DSCAM: variants seen among roughly 807,000 people sequenced by gnomAD.
DSCAM encodes the protein cell adhesion molecule DSCAM.
In DSCAM, 47 loss-of-function variants were observed where a neutral mutation model predicts 217.7. That is an observed-to-expected ratio of 0.22 (90% CI 0.17 to 0.28). The LOEUF (loss-of-function observed/expected upper bound fraction) is 0.28. Ranked by LOEUF, DSCAM falls within the 10% of genes least tolerant of loss-of-function variation. The pLI is 1.00. For missense variants in DSCAM, 2,080 were observed against 2,618.3 expected (o/e 0.79, Z 4.49); for synonymous variants, 1,056 against 1,015.3 (o/e 1.04, Z -0.76).
chr21:40,475,014 A>G (rs1486158659), intron 3 of DSCAM, among the ~76,000 whole-genome samples: 3 of 151,916 alleles, frequency 2.0e-5, no homozygotes, highest in African/African-American at 7.3e-5. Flanking sequence ...CATCACCCCA[A>G]ACAGTCAGTA....
chr21:40,153,724 G>A (rs2090448057), intron 16 of DSCAM, among the ~76,000 whole-genome samples: 2 of 152,178 alleles, frequency 1.3e-5, no homozygotes, highest in Non-Finnish European at 1.5e-5. Context: ...CTCTGGGGGT[G>A]GAGCCTGGTG....
intron 29 of DSCAM, 107 bp downstream of exon 29, chr21:40,055,618 C>G (rs1259683721): frequency 3.9e-6 from 3 of 774,434 alleles, no homozygotes; most frequent in East Asian, 2.5e-5. Context: ...ACTCACGTAG[C>G]CTTCAAGACG....
At chr21:40,108,021 A>T (rs979624394) in intron 20 of DSCAM, among the ~76,000 whole-genome samples, 2 of 152,214 alleles carry the variant, frequency 1.3e-5, no homozygotes, top group Non-Finnish European at 2.9e-5. Context: ...TCAAAGTATT[A>T]TGACCCATAT....
chr21:40,294,554 C>T (rs982990313), intron 10 of DSCAM, among the ~76,000 whole-genome samples: 5 of 152,054 alleles, frequency 3.3e-5, no homozygotes, highest in East Asian at 1.9e-4. Flanking sequence ...TACACATATG[C>T]GCATTGAATT....
At chr21:40,305,267 G>A (rs932786005) in intron 9 of DSCAM, among the ~76,000 whole-genome samples, 5 of 151,858 alleles carry the variant, frequency 3.3e-5, no homozygotes, top group African/African-American at 1.2e-4. Flanking sequence ...GCACATGCCT[G>A]TAATCCAAGC....
intron 1 of DSCAM, among the ~76,000 whole-genome samples, chr21:40,791,745 G>A (rs996161754): frequency 6.6e-6 from 1 of 152,202 alleles, no homozygotes; most frequent in Admixed American, 6.5e-5. Context: ...CTATTCCTAA[G>A]AGGCTTCATA....
chr21:40,599,974 A>G (rs2077050206), intron 3 of DSCAM, among the ~76,000 whole-genome samples: 1 of 152,202 alleles, frequency 6.6e-6, no homozygotes, highest in Non-Finnish European at 1.5e-5. Context: ...ATAGCCTACC[A>G]ACCAAAAAAA....
At chr21:40,430,748 G>T (rs1046472481) in intron 3 of DSCAM, among the ~76,000 whole-genome samples, 1 of 152,212 alleles carries the variant, frequency 6.6e-6, no homozygotes, top group South Asian at 2.1e-4. Context: ...CTCCTGTGTA[G>T]CTTTACTGCC....
chr21:40,503,297 C>A (rs931855091), intron 3 of DSCAM, among the ~76,000 whole-genome samples: 1 of 152,164 alleles, frequency 6.6e-6, no homozygotes, highest in African/African-American at 2.4e-5. Flanking sequence ...TATTCACTCA[C>A]CGCCTGATAT....
At chr21:40,491,550 C>CT (rs1228169736) in intron 3 of DSCAM, among the ~76,000 whole-genome samples, 1 of 152,094 alleles carries the variant, frequency 6.6e-6, no homozygotes, top group Non-Finnish European at 1.5e-5. Context: ...CAAAAGTACC[C>CT]TGTACCATTC....
rs145500496 is a variant in DSCAM at position 40,075,162 on chromosome 21, G to A, written c.4763C>T (p.Thr1588Met). 3.0e-5 allele frequency: 48 copies of A among 1,614,078 alleles called. No homozygotes were observed. The highest frequency in any genetic ancestry group is 1.6e-4 in the Middle Eastern group (1 of 6,084). Residue 1588 changes from threonine (T) to methionine (M), a missense_variant, in exon 27 of 33, where the codon ACG becomes ATG. Physicochemically the swap from Thr to Met is moderately conservative, Grantham distance 81. Coordinates refer to ENST00000400454, the MANE Select transcript of DSCAM (RefSeq NM_001389.5). ...KSVVQNEEGL[T>M]TNEGLKMLVT... ...CAGCATCTTGAGCCCCTCGTTGGTC[G>A]TCAGCCCTTCTTCGTTTTGGACAAC...
At chr21:40,557,846 T>C (rs951884149) in intron 3 of DSCAM, among the ~76,000 whole-genome samples, 5 of 152,172 alleles carry the variant, frequency 3.3e-5, no homozygotes, top group Non-Finnish European at 7.3e-5. Context: ...TAAAATGCAC[T>C]GATACATATA....
chr21:40,108,663 T>A (rs1004158644), intron 20 of DSCAM, among the ~76,000 whole-genome samples: 3 of 152,116 alleles, frequency 2.0e-5, no homozygotes, highest in East Asian at 1.9e-4. Flanking sequence ...AAAAATTCAG[T>A]TGGAACCAAA....
Position 40,045,633 on chromosome 21 carries a change from C to A in DSCAM, c.5186-1358G>T, listed in dbSNP as rs116330517. ...GGAATGATTTTTCTGGGGCTCCAGC[C>A]TGGAGACAGCTTAAGGTCCTAGATG... On this transcript the variant is annotated intron_variant, in intron 30 of 32. Coordinates refer to ENST00000400454, the MANE Select transcript of DSCAM (RefSeq NM_001389.5). Among the ~76,000 whole-genome samples the A allele has an allele frequency of 7.0e-3, 1,065 of 152,334 alleles. 12 individuals are homozygous for A. Among genetic ancestry groups the A allele is most frequent in the African/African-American group, 0.025 (1,044 of 41,582 alleles).
chr21:40,802,528 A>C (rs55690743), intron 1 of DSCAM, among the ~76,000 whole-genome samples: 14,176 of 152,238 alleles, frequency 0.093, 728 homozygotes, highest in African/African-American at 0.11. Flanking sequence ...TCTGAAACTA[A>C]TGTTGAAGCT....
intron 3 of DSCAM, among the ~76,000 whole-genome samples, chr21:40,569,508 A>C (rs9981679): frequency 2.2e-3 from 341 of 152,362 alleles, no homozygotes; most frequent in Non-Finnish European, 3.9e-3. Flanking sequence ...CTGCGGCATC[A>C]GCTCCTGCCT....
intron 1 of DSCAM, among the ~76,000 whole-genome samples, chr21:40,845,741 C>T (rs2092139860): frequency 6.6e-6 from 1 of 152,096 alleles, no homozygotes; most frequent in Admixed American, 6.5e-5. Flanking sequence ...CGTAGCTACT[C>T]CCAGGCGATG....
At chr21:40,812,929 A>T (rs1409433544) in intron 1 of DSCAM, among the ~76,000 whole-genome samples, 1 of 152,194 alleles carries the variant, frequency 6.6e-6, no homozygotes, top group African/African-American at 2.4e-5. Flanking sequence ...TGAGGATTGA[A>T]AATTGCCTGC....
rs148287999 is a variant in DSCAM at position 40,827,749 on chromosome 21, C to T, written c.43+18870G>A. 1.1e-4 allele frequency among the ~76,000 whole-genome samples: 17 copies of T among 152,252 alleles called. No homozygotes were observed. In the East Asian group the frequency reaches 3.3e-3, roughly 29 times the overall value. On this transcript the variant is annotated intron_variant, in intron 1 of 32. Coordinates refer to ENST00000400454, the MANE Select transcript of DSCAM (RefSeq NM_001389.5). ...AACATTCAAGGGGGTGATCAGTGGG[C>T]TCCATTCTCAGGAAGGGCGGTACAG...
Sources: allele counts gnomAD v4.1 joint callset (sites outside exome capture counted in the v4.1 genomes callset), GRCh38; gene constraint gnomAD v4.1.1; transcripts MANE v1.5; gene names NCBI Gene and HGNC (gene_info 2026-07-23, HGNC 2026-07-21).